The following SYT16 variants were observed in gnomAD, a reference collection of about 807,000 sequenced individuals.
SYT16 encodes synaptotagmin 16, also known as synaptotagmin-16.
In SYT16, 42 loss-of-function variants were observed where a neutral mutation model predicts 61.4. The ratio of observed to expected loss-of-function variants is 0.68; its 90% CI spans 0.53 to 0.89. SYT16 has a LOEUF of 0.89. SYT16 is among the 40% of genes least tolerant of loss of function. SYT16 has a pLI of 0.00. For synonymous variants in SYT16, 314 were observed against 302.3 expected (o/e 1.04, Z -0.40); for missense variants, 804 against 807.3 (o/e 1.00, Z 0.05).
chr14:62,039,580 G>A (rs1268372667), intron 3 of SYT16, among the ~76,000 whole-genome samples: 1 of 151,994 alleles, frequency 6.6e-6, no homozygotes, highest in Non-Finnish European at 1.5e-5. Context: ...ATCACAAGAT[G>A]ATATATATTT....
chr14:61,868,275 G>GT (rs775526019), intron 1 of SYT16, among the ~76,000 whole-genome samples: 61 of 151,324 alleles, frequency 4.0e-4, no homozygotes, highest in Non-Finnish European at 7.0e-4. Context: ...CAATTTTATT[G>GT]TTTTTTCCAA....
intron 3 of SYT16, among the ~76,000 whole-genome samples, chr14:62,063,635 T>C (rs185140197): frequency 6.6e-6 from 1 of 152,254 alleles, no homozygotes; most frequent in East Asian, 1.9e-4. Context: ...GTTTCTGTCA[T>C]ACTAAGACCC....
rs2141030507 is a variant in SYT16 at position 62,104,456 on chromosome 14, G to A, written c.*3749G>A. 6.6e-6 allele frequency: 1 copy of A among 152,140 alleles called. No individual in the cohort carries two copies. The highest frequency in any genetic ancestry group is 1.9e-4 in the East Asian group (1 of 5,186). The allele number at this position is 152,140 out of a possible 1,614,324, so 9.4% of individuals were successfully genotyped here. A position where few individuals can be genotyped will look rare whatever the true frequency, so the allele number is the denominator to read the frequency against. The stretch of plus-strand genomic sequence containing the variant: ...TTTTGTCTTAAAAATTATTCATTTG[G>A]GCAAAGTCATTTACAACAAAATAAA... On this transcript the variant is annotated 3_prime_UTR_variant, in exon 8 of 8. Transcript: ENST00000683842.
intron 3 of SYT16, among the ~76,000 whole-genome samples, chr14:62,056,965 T>G (rs555314402): frequency 6.6e-6 from 1 of 151,996 alleles, no homozygotes; most frequent in Non-Finnish European, 1.5e-5. Flanking sequence ...GGCATGAAAG[T>G]CAGACGTGTT....
At chr14:62,047,061 C>A (rs2140873196) in intron 3 of SYT16, among the ~76,000 whole-genome samples, 1 of 152,314 alleles carries the variant, frequency 6.6e-6, no homozygotes, top group Middle Eastern at 3.4e-3. Flanking sequence ...GCCATTTTCA[C>A]AATATTGATT....
intron 4 of SYT16, among the ~76,000 whole-genome samples, chr14:62,071,929 G>T (rs573956806): frequency 6.6e-6 from 1 of 152,204 alleles, no homozygotes; most frequent in African/African-American, 2.4e-5. Context: ...TCTAGATTCT[G>T]TGGTGAGGCT....
chr14:61,982,520 G>T (rs1223879955), intron 2 of SYT16, among the ~76,000 whole-genome samples: 1 of 151,990 alleles, frequency 6.6e-6, no homozygotes, highest in African/African-American at 2.4e-5. Flanking sequence ...ACAGTATGGG[G>T]GAAACTGCCC....
intron 3 of SYT16, among the ~76,000 whole-genome samples, chr14:62,030,903 T>C (rs1361621955): frequency 3.3e-5 from 5 of 152,198 alleles, no homozygotes; most frequent in Admixed American, 2.0e-4. Context: ...TGATTTCAGG[T>C]TGAATAATGT....
At chr14:61,816,720 T>C (rs2045438792) in intron 1 of SYT16, among the ~76,000 whole-genome samples, 1 of 152,112 alleles carries the variant, frequency 6.6e-6, no homozygotes, top group African/African-American at 2.4e-5. Context: ...AGTTAAGAAC[T>C]TCCACTCTTG....
At chr14:62,041,001 C>T (rs888123398) in intron 3 of SYT16, among the ~76,000 whole-genome samples, 6 of 152,074 alleles carry the variant, frequency 3.9e-5, no homozygotes, top group East Asian at 3.9e-4. Flanking sequence ...CACAATAGGC[C>T]GTCTGCAAGC....
intron 1 of SYT16, among the ~76,000 whole-genome samples, chr14:61,943,546 GCT>G (rs1199773520): frequency 1.3e-5 from 2 of 152,206 alleles, no homozygotes; most frequent in Non-Finnish European, 1.5e-5. Flanking sequence ...GATCAAGTCG[GCT>G]TCATCCCTGG....
intron 7 of SYT16, among the ~76,000 whole-genome samples, chr14:62,098,181 T>G (rs535345424): frequency 6.6e-6 from 1 of 152,350 alleles, no homozygotes; most frequent in South Asian, 2.1e-4. Context: ...GAGAGAACAG[T>G]AAATTACAGA....
intron 1 of SYT16, among the ~76,000 whole-genome samples, chr14:61,912,938 TA>T (rs1022286026): frequency 6.6e-6 from 1 of 152,158 alleles, no homozygotes; most frequent in Non-Finnish European, 1.5e-5. Flanking sequence ...TGAATAAAGA[TA>T]AAAAGTGGGA....
intron 1 of SYT16, among the ~76,000 whole-genome samples, chr14:61,880,127 G>A (rs1344294309): frequency 6.6e-6 from 1 of 152,190 alleles, no homozygotes; most frequent in African/African-American, 2.4e-5. Context: ...TTTACCTCCA[G>A]TGCTGCCACA....
chr14:61,995,257 G>T (rs976756302), intron 2 of SYT16, among the ~76,000 whole-genome samples: 3 of 151,986 alleles, frequency 2.0e-5, no homozygotes, highest in African/African-American at 4.8e-5. Flanking sequence ...TCTTCGGGAG[G>T]TTGGAACATA....
intron 1 of SYT16, among the ~76,000 whole-genome samples, chr14:61,862,072 T>C (rs1232276241): frequency 6.6e-6 from 1 of 152,168 alleles, no homozygotes; most frequent in East Asian, 1.9e-4. Context: ...TGAAGCGCAA[T>C]AAAGTGAGTT....
intron 3 of SYT16, among the ~76,000 whole-genome samples, chr14:62,030,645 A>G (rs73262253): frequency 0.11 from 16,290 of 152,260 alleles, 980 homozygotes; most frequent in Middle Eastern, 0.14. Flanking sequence ...TCAGTCTGCC[A>G]TAGGTATAAA....
At position 61,850,586 on chromosome 14, in the gene SYT16, T is replaced by C. The variant is rs540507653; in HGVS notation, c.-325+37776T>C. On this transcript the variant is annotated intron_variant, in intron 1 of 7. Transcript: ENST00000683842. Reference sequence around the variant, plus strand: ...AATAAAAAACATTTTTATCTAACTTTATTATGTCTACCCAGTAAGTAAATT... The same window carrying C: ...AATAAAAAACATTTTTATCTAACTTCATTATGTCTACCCAGTAAGTAAATT... 2.6e-5 allele frequency among the ~76,000 whole-genome samples: 4 copies of C among 152,376 alleles called. No individual in the cohort carries two copies. The South Asian group carries it at 8.3e-4, about 32-fold the overall frequency.
At chr14:61,833,143 C>A (rs1486023850) in intron 1 of SYT16, among the ~76,000 whole-genome samples, 3 of 152,028 alleles carry the variant, frequency 2.0e-5, no homozygotes, top group Non-Finnish European at 2.9e-5. Context: ...TTACTGTATC[C>A]CTAGGAATTT....
Sources: allele counts gnomAD v4.1 joint callset (sites outside exome capture counted in the v4.1 genomes callset), GRCh38; gene constraint gnomAD v4.1.1; transcripts MANE v1.5; gene names NCBI Gene and HGNC (gene_info 2026-07-23, HGNC 2026-07-21).